Variants in PDZRN3 observed in about 807,000 individuals in gnomAD.
PDZRN3 encodes E3 ubiquitin-protein ligase PDZRN3.
A neutral mutation model predicts 85.7 loss-of-function variants in PDZRN3; 38 were observed. The ratio of observed to expected loss-of-function variants is 0.44; its 90% CI spans 0.34 to 0.58. The LOEUF (loss-of-function observed/expected upper bound fraction) is 0.58. PDZRN3 is among the 20% of genes least tolerant of loss of function. The probability of loss-of-function intolerance (pLI) is 0.01; values close to 1 mark genes in which losing one functional copy is unlikely to be tolerated. For synonymous variants in PDZRN3, 759 were observed against 638.0 expected, an observed-to-expected ratio of 1.19 and a Z score of -2.86; for missense variants, 1,629 against 1,506.4, an observed-to-expected ratio of 1.08 and a Z score of -1.35.
intron 3 of PDZRN3, chr3:73,569,451 G>C (rs1046323093): frequency 8.9e-7 from 1 of 1,129,450 alleles, no homozygotes. Context: ...CTTAAGCCCC[G>C]AGGCGTCTAC....
At chr3:73,605,281 AAG>A (rs535918244) in intron 2 of PDZRN3, among the ~76,000 whole-genome samples, 11 of 151,972 alleles carry the variant, frequency 7.2e-5, no homozygotes, top group Admixed American at 7.2e-4. Flanking sequence ...CTCCTCTCCT[AAG>A]AGAGTTAGTT....
intron 3 of PDZRN3, among the ~76,000 whole-genome samples, chr3:73,463,401 A>G (rs1384295865): frequency 2.6e-5 from 4 of 152,224 alleles, no homozygotes; most frequent in Non-Finnish European, 5.9e-5. Flanking sequence ...GTCACATGCT[A>G]CTACTTATTA....
chr3:73,495,212 T>G (rs572594376), intron 3 of PDZRN3, among the ~76,000 whole-genome samples: 1 of 152,346 alleles, frequency 6.6e-6, no homozygotes, highest in South Asian at 2.1e-4. Context: ...TTGAAAAGCT[T>G]CTTTCGATAG....
At chr3:73,603,024 G>C (rs1702538492) in intron 2 of PDZRN3, among the ~76,000 whole-genome samples, 1 of 152,060 alleles carries the variant, frequency 6.6e-6, no homozygotes, top group African/African-American at 2.4e-5. Context: ...TATAGTTCTA[G>C]GGCAAATCCC....
intron 3 of PDZRN3, among the ~76,000 whole-genome samples, chr3:73,569,715 C>A (rs981734164): frequency 6.6e-6 from 1 of 152,210 alleles, no homozygotes; most frequent in African/African-American, 2.4e-5. Context: ...ACTCACTGAG[C>A]CTACCCCTGG....
chr3:73,529,070 C>T (rs998127294), intron 3 of PDZRN3, among the ~76,000 whole-genome samples: 6 of 152,082 alleles, frequency 3.9e-5, no homozygotes, highest in East Asian at 1.9e-4. Context: ...TGTTTTGTGT[C>T]TCTGTGGCTA....
intron 5 of PDZRN3, among the ~76,000 whole-genome samples, chr3:73,400,208 A>G (rs925395255): frequency 6.6e-6 from 1 of 152,218 alleles, no homozygotes; most frequent in African/African-American, 2.4e-5. Flanking sequence ...TTGAAACCCC[A>G]TTGAAATATA....
rs1702326315 is a variant in PDZRN3 at position 73,589,688 on chromosome 3, TCTG to T, written c.918+12663_918+12665del. Among the ~76,000 whole-genome samples, 5 of 152,300 alleles carry T rather than the reference TCTG, an allele frequency of 3.3e-5. No homozygotes were observed. The East Asian group carries it at 7.7e-4, about 24-fold the overall frequency. On this transcript the variant is annotated intron_variant, in intron 3 of 9. Coordinates refer to ENST00000263666, the MANE Select transcript of PDZRN3 (RefSeq NM_015009.3). ...CTTGTCACCACTTTACATAATACCA[TCTG>T]CCCAAAGGATTCTCCTTTCATTTCT...
chr3:73,437,789 C>T (rs1702558997), intron 3 of PDZRN3, among the ~76,000 whole-genome samples: 2 of 151,842 alleles, frequency 1.3e-5, no homozygotes, highest in Non-Finnish European at 2.9e-5. Context: ...GTTTTATTTT[C>T]AAAATGTTGC....
intron 3 of PDZRN3, among the ~76,000 whole-genome samples, chr3:73,440,582 C>T (rs527460914): frequency 1.2e-4 from 19 of 152,312 alleles, no homozygotes; most frequent in East Asian, 5.8e-4. Flanking sequence ...CCGACACTGG[C>T]GACAAATGGG....
rs745478792 is a variant in PDZRN3 at position 73,624,279 on chromosome 3, C to A, written c.547G>T (p.Ala183Ser). Residue 183 changes from alanine to serine, a missense_variant, in exon 1 of 10, where the codon GCG becomes TCG. Transcript: ENST00000263666. The part of the protein sequence containing the change: ...LQARLGALHK[A>S]LKKEALRAGK... ...GCGCGCAGCGCCTCCTTCTTGAGCG[C>A]CTTGTGCAGCGCGCCCAGGCGGGCC... 5.8e-6 allele frequency: 8 copies of A among 1,388,854 alleles called. No individual in the cohort carries two copies. The African/African-American group carries it at 1.1e-4, about 18-fold the overall frequency. 86.0% of individuals were successfully genotyped at this position (1,388,854 alleles called of 1,614,324 possible).
intron 3 of PDZRN3, among the ~76,000 whole-genome samples, chr3:73,601,516 T>C (rs775850401): frequency 3.9e-5 from 6 of 152,148 alleles, no homozygotes; most frequent in Admixed American, 6.5e-5. Flanking sequence ...TTTTGCCTAA[T>C]AGGAAAGCCA....
In PDZRN3 at chr3:73,383,775, G is replaced by T; in HGVS notation, c.2791C>A (p.Arg931Ser). Residue 931 changes from arginine (R) to serine (S), a missense_variant, in exon 10 of 10, where the codon CGC becomes AGC. Transcript: ENST00000263666. ...CGCACGGGCCTCTTGGTGATGTAGCGCGTCCCGTCGCTGCGGATCTTCACC... is the reference window on the plus strand; with the variant it reads ...CGCACGGGCCTCTTGGTGATGTAGCTCGTCCCGTCGCTGCGGATCTTCACC... ...WKVKIRSDGT[R>S]YITKRPVRDR... The T allele has an allele frequency of 6.2e-7, 1 of 1,613,154 alleles. No homozygotes were observed. Among genetic ancestry groups the T allele is most frequent in the Non-Finnish European group, 8.5e-7 (1 of 1,179,982 alleles).
intron 5 of PDZRN3, among the ~76,000 whole-genome samples, chr3:73,391,479 CA>C (rs1443818601): frequency 6.6e-6 from 1 of 152,222 alleles, no homozygotes; most frequent in Non-Finnish European, 1.5e-5. Context: ...CCAGCCATTT[CA>C]GTACAAATGT....
intron 3 of PDZRN3, among the ~76,000 whole-genome samples, chr3:73,520,189 G>A (rs1464294101): frequency 6.6e-6 from 1 of 152,032 alleles, no homozygotes; most frequent in African/African-American, 2.4e-5. Flanking sequence ...TATATCTTTG[G>A]GGCTGCTAAT....
chr3:73,555,950 T>C (rs1347246388), intron 3 of PDZRN3, among the ~76,000 whole-genome samples: 1 of 152,218 alleles, frequency 6.6e-6, no homozygotes, highest in Non-Finnish European at 1.5e-5. Flanking sequence ...ACTGTGCTAA[T>C]CACTGAAGAG....
chr3:73,573,296 T>C (rs140145247), intron 3 of PDZRN3, among the ~76,000 whole-genome samples: 408 of 152,248 alleles, frequency 2.7e-3, no homozygotes, highest in Non-Finnish European at 5.3e-3. Flanking sequence ...TTACAGACTG[T>C]AGCAAGTGAC....
chr3:73,624,068 C>G (rs1702917099), intron 1 of PDZRN3, 35 bp downstream of exon 1: 1 of 1,407,408 alleles, frequency 7.1e-7, no homozygotes, highest in Non-Finnish European at 9.2e-7. Context: ...CCCAGGGATC[C>G]TGGCTGGAGG....
chr3:73,622,315 G>A (rs1336408350), intron 1 of PDZRN3, among the ~76,000 whole-genome samples: 1 of 152,236 alleles, frequency 6.6e-6, no homozygotes, highest in Non-Finnish European at 1.5e-5. Flanking sequence ...TGCAGGCCTG[G>A]TGTGCACGTA....
Sources: gnomAD v4.1 joint callset for allele counts (sites outside exome capture counted in the v4.1 genomes callset) on GRCh38, gnomAD v4.1.1 for gene constraint, MANE v1.5 for transcripts, NCBI Gene and HGNC (gene_info 2026-07-23, HGNC 2026-07-21) for gene names.